TMEM63C: variants seen among roughly 807,000 people sequenced by gnomAD.
TMEM63C encodes the protein osmosensitive cation channel TMEM63C.
TMEM63C carries 32 observed loss-of-function variants against 99.2 expected under a neutral mutation model. The observed-to-expected ratio is 0.32, with a 90% confidence interval of 0.24 to 0.43. TMEM63C has a LOEUF of 0.43. TMEM63C is among the 20% of genes least tolerant of loss of function. TMEM63C has a pLI of 1.00. For missense variants in TMEM63C, 826 were observed against 1,053.0 expected (o/e 0.78, Z 2.98); for synonymous variants, 376 against 397.9 (o/e 0.94, Z 0.66).
Position 77,245,979 on chromosome 14 carries a change from C to A in TMEM63C, c.1488C>A (p.Ile496=), listed in dbSNP as rs1889263267. 2 of 1,613,902 alleles carry A rather than the reference C, an allele frequency of 1.2e-6. No individual in the cohort carries two copies. Among genetic ancestry groups the A allele is most frequent in the African/African-American group, 1.3e-5 (1 of 74,944 alleles). ...TGGTCATGGTGCACAAGTGCTACATCTTTCTGGTGTTCATGGTAGTCATTC... is the reference window on the plus strand; with the variant it reads ...TGGTCATGGTGCACAAGTGCTACATATTTCTGGTGTTCATGGTAGTCATTC... ...QNLVMVHKCY[I]FLVFMVVILP... Residue 496 remains isoleucine (I), a synonymous_variant, in exon 17 of 24, where the codon ATC becomes ATA. Coordinates refer to ENST00000298351, the MANE Select transcript of TMEM63C (RefSeq NM_020431.4).
chr14:77,189,320 G>A (rs907379198), intron 1 of TMEM63C, among the ~76,000 whole-genome samples: 1 of 149,552 alleles, frequency 6.7e-6, no homozygotes, highest in African/African-American at 2.5e-5. Context: ...GTTTTGCTAT[G>A]TTTCCCAACC....
Position 77,225,325 on chromosome 14 carries a change from C to T in TMEM63C, c.313-99C>T, listed in dbSNP as rs939391447. 22 of 1,114,180 alleles carry T rather than the reference C, an allele frequency of 2.0e-5. No individual in the cohort carries two copies. In the African/African-American group the frequency reaches 3.0e-4, roughly 15 times the overall value. The allele number at this position is 1,114,180 out of a possible 1,614,324, so 69.0% of individuals were successfully genotyped here. On this transcript the variant is annotated intron_variant, in intron 5 of 23. Transcript: ENST00000298351. ...CCCAGGAAGGAGGCCCCGGACGCTG[C>T]CGCGGCTGCCTCAGATGACCTGGCC...
intron 1 of TMEM63C, among the ~76,000 whole-genome samples, chr14:77,182,306 A>G (rs1887927804): frequency 6.6e-6 from 1 of 151,768 alleles, no homozygotes; most frequent in Non-Finnish European, 1.5e-5. Context: ...CTGGGCTGGG[A>G]CGGGAGGGGG....
At chr14:77,188,888 C>T (rs111661935) in intron 1 of TMEM63C, among the ~76,000 whole-genome samples, 41 of 152,088 alleles carry the variant, frequency 2.7e-4, no homozygotes, top group African/African-American at 8.9e-4. Context: ...TCAATATCTG[C>T]AAGAATAGAA....
intron 1 of TMEM63C, among the ~76,000 whole-genome samples, chr14:77,192,427 A>G (rs1022704004): frequency 6.6e-6 from 1 of 152,090 alleles, no homozygotes; most frequent in Non-Finnish European, 1.5e-5. Context: ...CCTCCTACAT[A>G]GTCAAATCGG....
At position 77,220,002 on chromosome 14, in the gene TMEM63C, G is replaced by A; in HGVS notation, c.231-4G>A. 1 of 1,556,548 alleles carries A rather than the reference G, an allele frequency of 6.4e-7. No individual in the cohort carries two copies. ...TACCTCCCTGCCCCTTCCCTGGCTGGCAGCCTGACCTCGCTGATCTATGGG... is the reference window on the plus strand; with the variant it reads ...TACCTCCCTGCCCCTTCCCTGGCTGACAGCCTGACCTCGCTGATCTATGGG... On this transcript the variant is annotated splice_region_variant and splice_polypyrimidine_tract_variant and intron_variant, in intron 4 of 23. Coordinates refer to ENST00000298351, the MANE Select transcript of TMEM63C (RefSeq NM_020431.4).
intron 1 of TMEM63C, among the ~76,000 whole-genome samples, chr14:77,191,538 CTTTTTTT>C (rs71125542): frequency 6.1e-5 from 5 of 82,606 alleles, no homozygotes; most frequent in African/African-American, 1.5e-4. Context: ...TTTTCTTTTT[CTTTTTTT>C]TTTTTTTTTT....
chr14:77,242,035 C>T (rs1464895615), intron 13 of TMEM63C, among the ~76,000 whole-genome samples: 2 of 152,228 alleles, frequency 1.3e-5, no homozygotes, highest in South Asian at 2.1e-4. Context: ...TATCAAATCT[C>T]AAAGAAAGAG....
At chr14:77,224,872 T>C (rs1447847835) in intron 5 of TMEM63C, among the ~76,000 whole-genome samples, 1 of 152,146 alleles carries the variant, frequency 6.6e-6, no homozygotes, top group African/African-American at 2.4e-5. Flanking sequence ...CTTGCTGTGT[T>C]GCCCAGGCTG....
chr14:77,252,567 G>A (rs774731561), intron 22 of TMEM63C, among the ~76,000 whole-genome samples: 28 of 152,264 alleles, frequency 1.8e-4, no homozygotes, highest in African/African-American at 4.6e-4. Flanking sequence ...TCATGGTTAC[G>A]TATTTAACAT....
At position 77,220,018 on chromosome 14, in the gene TMEM63C, G is replaced by A. The variant is rs1180498957; in HGVS notation, c.243G>A (p.Leu81=). The change falls in exon 5 of 24, where the codon CTG becomes CTA. Residue 81 remains leucine, a synonymous_variant. Transcript: ENST00000298351. ...CCCTGGCTGGCAGCCTGACCTCGCTGATCTATGGGGAGCAGAGCGAGAAGA... is the reference window on the plus strand; with the variant it reads ...CCCTGGCTGGCAGCCTGACCTCGCTAATCTATGGGGAGCAGAGCGAGAAGA... The part of the protein sequence containing the change: ...LLIHNDSLTS[L]IYGEQSEKTS... The A allele has an allele frequency of 1.3e-6, 2 of 1,559,638 alleles. No homozygotes were observed. Among genetic ancestry groups the A allele is most frequent in the Non-Finnish European group, 1.7e-6 (2 of 1,151,566 alleles).
chr14:77,224,001 C>A (rs1009274701), intron 5 of TMEM63C, among the ~76,000 whole-genome samples: 5 of 152,092 alleles, frequency 3.3e-5, no homozygotes, highest in African/African-American at 1.2e-4. Context: ...CCTGGGGATG[C>A]TCCCCACTGC....
At chr14:77,215,383 C>A (rs1888561287) in intron 2 of TMEM63C, among the ~76,000 whole-genome samples, 1 of 151,768 alleles carries the variant, frequency 6.6e-6, no homozygotes, top group African/African-American at 2.4e-5. Flanking sequence ...GGTGGGTCAC[C>A]TGAGGTCAGG....
At chr14:77,214,366 C>G (rs1456356849) in intron 2 of TMEM63C, among the ~76,000 whole-genome samples, 1 of 152,076 alleles carries the variant, frequency 6.6e-6, no homozygotes, top group Admixed American at 6.5e-5. Flanking sequence ...GATTCAGTGG[C>G]ACGGAACCTG....
intron 1 of TMEM63C, among the ~76,000 whole-genome samples, chr14:77,182,972 T>C (rs1232713304): frequency 1.3e-5 from 2 of 152,148 alleles, no homozygotes; most frequent in Non-Finnish European, 2.9e-5. Context: ...CACCCTCTGT[T>C]ATCACCTTAT....
intron 5 of TMEM63C, among the ~76,000 whole-genome samples, chr14:77,223,456 C>A (rs1034597314): frequency 6.6e-6 from 1 of 152,110 alleles, no homozygotes; most frequent in South Asian, 2.1e-4. Context: ...GGTACTGTTA[C>A]CCCCAGGTGG....
In TMEM63C at chr14:77,236,645, T is replaced by A. The variant is rs1889066587; in HGVS notation, c.564T>A (p.His188Gln). 3.1e-6 allele frequency: 5 copies of A among 1,612,598 alleles called. No individual in the cohort carries two copies. Among genetic ancestry groups the A allele is most frequent in the Non-Finnish European group, 4.2e-6 (5 of 1,179,240 alleles). The change falls in exon 9 of 24, where the codon CAT (histidine) becomes CAA (glutamine). Residue 188 changes from histidine to glutamine, a missense_variant. His to Gln is a conservative substitution (Grantham distance 24). Coordinates refer to ENST00000298351, the MANE Select transcript of TMEM63C (RefSeq NM_020431.4). ...GCAGGAGCAAGCTCCTGTGGCTGCA[T>A]AGCCTGCTGTCCTTCTTCTACTTCA... ...VSTESKLLWL[H>Q]SLLSFFYFIT...
At chr14:77,249,532 T>C in intron 21 of TMEM63C, 74 bp downstream of exon 21, 1 of 1,527,996 alleles carries the variant, frequency 6.5e-7, no homozygotes, top group Non-Finnish European at 8.9e-7. Context: ...ACACTGACCC[T>C]GTTAGAGGAG....
intron 1 of TMEM63C, among the ~76,000 whole-genome samples, chr14:77,183,448 G>A (rs773457744): frequency 4.6e-5 from 7 of 152,094 alleles, no homozygotes; most frequent in Non-Finnish European, 8.8e-5. Context: ...AAGTCTCTTG[G>A]TTACCTTCCC....
Sources: allele counts gnomAD v4.1 joint callset (sites outside exome capture counted in the v4.1 genomes callset), GRCh38; gene constraint gnomAD v4.1.1; transcripts MANE v1.5; gene names NCBI Gene and HGNC (gene_info 2026-07-23, HGNC 2026-07-21).